GALNT13: variants seen among roughly 807,000 people sequenced by gnomAD.
The protein encoded by GALNT13 is UDP-GalNAc:polypeptide N-acetylgalactosaminyltransferase 13.
In GALNT13, 28 loss-of-function variants were observed where a neutral mutation model predicts 64.2. That is an observed-to-expected ratio of 0.44 (90% CI 0.32 to 0.60). The LOEUF is 0.60. Among genes scored for constraint, GALNT13 ranks in the 20% least tolerant of loss-of-function variants. The pLI is 0.05. For missense variants in GALNT13, 577 were observed against 669.8 expected (o/e 0.86, Z 1.53); for synonymous variants, 214 against 224.6 (o/e 0.95, Z 0.42).
intron 3 of GALNT13, among the ~76,000 whole-genome samples, chr2:153,963,827 AT>A (rs1368988770): frequency 1.4e-5 from 2 of 138,014 alleles, no homozygotes; most frequent in Non-Finnish European, 3.1e-5. Context: ...TCTTTTGTTC[AT>A]TTTTAAAATT....
the GALNT13 span, among the ~76,000 whole-genome samples, chr2:153,859,014 A>T: frequency 1.8e-3 from 275 of 152,332 alleles, no homozygotes; most frequent in African/African-American, 5.8e-3. Context: ...GATTACAGGC[A>T]TGAGCCACAT....
the GALNT13 span, among the ~76,000 whole-genome samples, chr2:153,669,482 A>C: frequency 6.6e-6 from 1 of 152,210 alleles, no homozygotes; most frequent in Non-Finnish European, 1.5e-5. Flanking sequence ...ACAAACCTGC[A>C]CATGTATCCT....
the GALNT13 span, among the ~76,000 whole-genome samples, chr2:153,297,131 C>T: frequency 6.6e-6 from 1 of 152,074 alleles, no homozygotes; most frequent in South Asian, 2.1e-4. Flanking sequence ...TAAAAGCTTA[C>T]TTTGAAGGAA....
rs75276879 is a variant in GALNT13 at position 153,951,674 on chromosome 2, C to A, written c.142+7035C>A. 6.0e-4 allele frequency among the ~76,000 whole-genome samples: 91 copies of A among 152,090 alleles called. 2 individuals are homozygous for A. The East Asian group carries it at 0.016, about 27-fold the overall frequency. On this transcript the variant is annotated intron_variant, in intron 3 of 12. Coordinates refer to ENST00000392825, the MANE Select transcript of GALNT13 (RefSeq NM_052917.4). ...GGGTGGACTTTGAGTTTGTTTTGGACACGTTGAGTTTGATATGCCTGTTAG... is the reference window on the plus strand; with the variant it reads ...GGGTGGACTTTGAGTTTGTTTTGGAAACGTTGAGTTTGATATGCCTGTTAG...
intron 4 of GALNT13, among the ~76,000 whole-genome samples, chr2:154,184,168 C>A (rs1381895309): frequency 1.3e-5 from 2 of 151,572 alleles, no homozygotes; most frequent in Non-Finnish European, 2.9e-5. Flanking sequence ...TATAGAATAA[C>A]CTTCTTTATC....
At chr2:154,380,221 T>C (rs1212244409) in intron 9 of GALNT13, among the ~76,000 whole-genome samples, 1 of 152,038 alleles carries the variant, frequency 6.6e-6, no homozygotes, top group East Asian at 1.9e-4. Flanking sequence ...TTAAAAATTA[T>C]ATGTTTTACC....
chr2:153,720,345 A>G, the GALNT13 span, among the ~76,000 whole-genome samples: 1 of 149,436 alleles, frequency 6.7e-6, no homozygotes, highest in East Asian at 2.0e-4. Flanking sequence ...AGTAGATAAA[A>G]CCACAAAGAT....
chr2:153,982,462 A>G, intron 3 of GALNT13, among the ~76,000 whole-genome samples: 1 of 152,042 alleles, frequency 6.6e-6, no homozygotes, highest in South Asian at 2.1e-4. Context: ...AAAACTGCAA[A>G]TTTTGTTATA....
At chr2:154,394,077 CAAAAAAAA>C (rs369267777) in intron 9 of GALNT13, among the ~76,000 whole-genome samples, 32 of 32,008 alleles carry the variant, frequency 1.0e-3, no homozygotes, top group East Asian at 8.8e-3. Flanking sequence ...GACTCCGTCT[CAAAAAAAA>C]AAAAAAAAAA....
intron 9 of GALNT13, among the ~76,000 whole-genome samples, chr2:154,342,993 A>T (rs1179268037): frequency 6.6e-6 from 1 of 151,988 alleles, no homozygotes; most frequent in South Asian, 2.1e-4. Flanking sequence ...CAAGCATTGT[A>T]TTTAGTATGA....
intron 1 of GALNT13, among the ~76,000 whole-genome samples, chr2:153,883,024 AAT>A (rs1325480414): frequency 1.3e-5 from 2 of 148,720 alleles, no homozygotes; most frequent in Non-Finnish European, 3.0e-5. Flanking sequence ...AAAAGAGACA[AAT>A]ATATGTTATT....
chr2:153,197,572 C>T, the GALNT13 span, among the ~76,000 whole-genome samples: 1 of 152,250 alleles, frequency 6.6e-6, no homozygotes, highest in Admixed American at 6.5e-5. Flanking sequence ...GGCCTGTTCT[C>T]AGGCGCCCAG....
At chr2:154,134,605 A>C (rs1257141940) in intron 3 of GALNT13, among the ~76,000 whole-genome samples, 1 of 152,234 alleles carries the variant, frequency 6.6e-6, no homozygotes, top group African/African-American at 2.4e-5. Flanking sequence ...GGTATATCCA[A>C]ACTTTGGAAT....
chr2:153,579,852 G>A, the GALNT13 span, among the ~76,000 whole-genome samples: 3 of 152,016 alleles, frequency 2.0e-5, no homozygotes, highest in Non-Finnish European at 2.9e-5. Flanking sequence ...CTGATGACCC[G>A]AGGTGGAATA....
the GALNT13 span, among the ~76,000 whole-genome samples, chr2:153,498,468 A>G: frequency 3.9e-5 from 6 of 152,224 alleles, no homozygotes; most frequent in Non-Finnish European, 8.8e-5. Context: ...GCGAGTGAGC[A>G]CGGGGTCCAG....
the GALNT13 span, among the ~76,000 whole-genome samples, chr2:153,618,171 T>G: frequency 6.6e-6 from 1 of 151,914 alleles, no homozygotes; most frequent in African/African-American, 2.4e-5. Flanking sequence ...CCTATAAACT[T>G]CTCTCTGAGT....
chr2:154,287,118 T>C, intron 8 of GALNT13: 1 of 1,207,786 alleles, frequency 8.3e-7, no homozygotes, highest in East Asian at 2.3e-5. Flanking sequence ...GGCATGTCCT[T>C]GACACATCTG....
chr2:153,661,949 T>C, the GALNT13 span, among the ~76,000 whole-genome samples: 3 of 152,104 alleles, frequency 2.0e-5, no homozygotes, highest in African/African-American at 7.2e-5. Context: ...TGGGATAGAG[T>C]CTTTCAAGTG....
the GALNT13 span, among the ~76,000 whole-genome samples, chr2:153,259,301 A>G: frequency 9.3e-5 from 12 of 129,310 alleles, no homozygotes; most frequent in African/African-American, 3.5e-4. Context: ...TTTTATTTTC[A>G]TTTTATGTGT....
Sources: gnomAD v4.1 joint callset for allele counts (sites outside exome capture counted in the v4.1 genomes callset) on GRCh38, gnomAD v4.1.1 for gene constraint, MANE v1.5 for transcripts, NCBI Gene and HGNC (gene_info 2026-07-23, HGNC 2026-07-21) for gene names.